PCDH15: variants seen among roughly 807,000 people sequenced by gnomAD.
The protein encoded by PCDH15 is protocadherin related 15.
In PCDH15, 129 loss-of-function variants were observed where a neutral mutation model predicts 178.5. That is an observed-to-expected ratio of 0.72 (90% confidence interval 0.63 to 0.84). PCDH15 has a LOEUF of 0.84. PCDH15 is among the 40% of genes least tolerant of loss of function. The pLI is 0.00. For synonymous variants in PCDH15, 800 were observed against 732.0 expected, an observed-to-expected ratio of 1.09 and a Z score of -1.50; for missense variants, 2,230 against 2,099.9, an observed-to-expected ratio of 1.06 and a Z score of -1.21.
At chr10:54,891,833 G>A (rs74138818) in intron 3 of PCDH15, among the ~76,000 whole-genome samples, 256 of 152,112 alleles carry the variant, frequency 1.7e-3, no homozygotes, top group African/African-American at 6.0e-3. Context: ...TTTTTTTACA[G>A]CCAGCAGGAT....
intron 2 of PCDH15, among the ~76,000 whole-genome samples, chr10:55,024,066 C>T (rs901394373): frequency 3.4e-5 from 2 of 58,372 alleles, no homozygotes; most frequent in African/African-American, 1.4e-4. Context: ...TATCTGTGTA[C>T]ACACACTCAT....
intron 1 of PCDH15, among the ~76,000 whole-genome samples, chr10:55,169,839 A>G (rs1839283610): frequency 6.6e-6 from 1 of 152,190 alleles, no homozygotes; most frequent in African/African-American, 2.4e-5. Flanking sequence ...TTGAATTTTG[A>G]AAATCCTTAA....
intron 3 of PCDH15, among the ~76,000 whole-genome samples, chr10:54,477,689 T>C (rs945198195): frequency 2.0e-5 from 3 of 152,190 alleles, no homozygotes; most frequent in Non-Finnish European, 4.4e-5. Context: ...CTTCGACTTC[T>C]GGGTTCAACA....
intron 2 of PCDH15, among the ~76,000 whole-genome samples, chr10:55,398,768 T>G (rs562945599): frequency 4.8e-4 from 73 of 152,130 alleles, no homozygotes; most frequent in African/African-American, 1.7e-3. Context: ...AGTATTGGGG[T>G]TTTTTAATGT....
intron 2 of PCDH15, among the ~76,000 whole-genome samples, chr10:55,510,279 T>TG (rs1370043952): frequency 6.6e-6 from 1 of 152,006 alleles, no homozygotes; most frequent in Non-Finnish European, 1.5e-5. Flanking sequence ...AATCACATAT[T>TG]GATTTGGAAT....
intron 2 of PCDH15, among the ~76,000 whole-genome samples, chr10:55,036,289 A>T (rs1421217392): frequency 6.6e-6 from 1 of 152,160 alleles, no homozygotes; most frequent in African/African-American, 2.4e-5. Flanking sequence ...TTAATTACAA[A>T]TTACCTAGAC....
chr10:53,822,225 G>A (rs1228680400), intron 32 of PCDH15: 4 of 1,614,000 alleles, frequency 2.5e-6, no homozygotes, highest in Admixed American at 3.3e-5. Context: ...GGACAGAAAT[G>A]AAGCTGAAGG....
chr10:54,669,694 C>T (rs1021589407), intron 1 of PCDH15, among the ~76,000 whole-genome samples: 3 of 147,522 alleles, frequency 2.0e-5, no homozygotes, highest in Admixed American at 7.0e-5. Flanking sequence ...GATCTTTGCT[C>T]GGGCTTACAG....
intron 3 of PCDH15, among the ~76,000 whole-genome samples, chr10:54,466,214 G>C (rs1290531869): frequency 6.6e-6 from 1 of 151,678 alleles, no homozygotes; most frequent in Non-Finnish European, 1.5e-5. Context: ...TGTTTTTGTT[G>C]CTTGTGTTTT....
At chr10:54,083,617 G>A (rs968475238) in intron 16 of PCDH15, among the ~76,000 whole-genome samples, 5 of 152,124 alleles carry the variant, frequency 3.3e-5, no homozygotes, top group African/African-American at 1.2e-4. Flanking sequence ...GTTTGCCAGG[G>A]GCTAAGGGAA....
chr10:54,083,940 A>C (rs11004051), intron 16 of PCDH15, among the ~76,000 whole-genome samples: 50,133 of 151,970 alleles, frequency 0.33, 9,018 homozygotes, highest in Middle Eastern at 0.46. Flanking sequence ...TAATTTAAAA[A>C]TTTGGCCAGG....
At chr10:54,613,077 A>G (rs1418738975) in intron 2 of PCDH15, among the ~76,000 whole-genome samples, 3 of 151,742 alleles carry the variant, frequency 2.0e-5, no homozygotes, top group Non-Finnish European at 2.9e-5. Flanking sequence ...AAAAATACCG[A>G]TTCAGGGCTA....
chr10:55,525,090 A>T (rs1841273828), intron 2 of PCDH15, among the ~76,000 whole-genome samples: 1 of 151,946 alleles, frequency 6.6e-6, no homozygotes, highest in East Asian at 1.9e-4. Context: ...TAGAGAAATC[A>T]TTCACCCAGA....
intron 1 of PCDH15, among the ~76,000 whole-genome samples, chr10:54,798,491 T>C (rs961527858): frequency 6.6e-6 from 1 of 152,134 alleles, no homozygotes; most frequent in Non-Finnish European, 1.5e-5. Context: ...TTGTATAGTC[T>C]TATTTTGCAT....
intron 25 of PCDH15, among the ~76,000 whole-genome samples, chr10:53,919,072 T>C (rs1589419355): frequency 6.6e-6 from 1 of 152,164 alleles, no homozygotes; most frequent in African/African-American, 2.4e-5. Context: ...TCCTGCCTTC[T>C]TTCACTTATA....
intron 9 of PCDH15, among the ~76,000 whole-genome samples, chr10:54,226,326 T>G (rs1311868787): frequency 6.6e-6 from 1 of 152,130 alleles, no homozygotes; most frequent in African/African-American, 2.4e-5. Context: ...TTCACTGTCA[T>G]GAGAACAGCA....
intron 2 of PCDH15, among the ~76,000 whole-genome samples, chr10:54,537,672 C>A (rs2084732428): frequency 6.6e-6 from 1 of 151,984 alleles, no homozygotes; most frequent in Non-Finnish European, 1.5e-5. Flanking sequence ...AAACCAAAAA[C>A]CATAAGGTTT....
chr10:54,655,310 G>A (rs1381526623), intron 2 of PCDH15, among the ~76,000 whole-genome samples: 19 of 126,684 alleles, frequency 1.5e-4, no homozygotes, highest in African/African-American at 4.5e-4. Flanking sequence ...GAGACAGAGA[G>A]AGAGACAGAG....
chr10:55,090,600 T>C (rs569051100), intron 2 of PCDH15, among the ~76,000 whole-genome samples: 2 of 152,164 alleles, frequency 1.3e-5, no homozygotes, highest in East Asian at 3.9e-4. Context: ...GATCCTCCTG[T>C]TCCATGCACT....
Sources: gnomAD v4.1 joint callset for allele counts (sites outside exome capture counted in the v4.1 genomes callset) on GRCh38, gnomAD v4.1.1 for gene constraint, MANE v1.5 for transcripts, NCBI Gene and HGNC (gene_info 2026-07-23, HGNC 2026-07-21) for gene names.